The following ZNF804B variants were observed in gnomAD, a reference collection of about 807,000 sequenced individuals.
ZNF804B encodes the protein zinc finger 804B.
ZNF804B carries 80 observed loss-of-function variants against 101.4 expected under a neutral mutation model. The ratio of observed to expected loss-of-function variants is 0.79; its 90% CI spans 0.66 to 0.95. ZNF804B has a LOEUF of 0.95. Ranked by LOEUF, ZNF804B falls within the 40% of genes least tolerant of loss-of-function variation. The probability of loss-of-function intolerance (pLI) is 0.00; values close to 1 mark genes in which losing one functional copy is unlikely to be tolerated. For synonymous variants in ZNF804B, 622 were observed against 558.8 expected, an observed-to-expected ratio of 1.11 and a Z score of -1.59; for missense variants, 1,673 against 1,561.9, an observed-to-expected ratio of 1.07 and a Z score of -1.20.
At chr7:88,941,484 A>G (rs901359970) in intron 1 of ZNF804B, among the ~76,000 whole-genome samples, 2 of 152,070 alleles carry the variant, frequency 1.3e-5, no homozygotes, top group Non-Finnish European at 2.9e-5. Context: ...TTAACTGTAT[A>G]TTACTAAATA....
chr7:89,161,625 G>A lies in ZNF804B; in HGVS notation c.109-56530G>A, dbSNP rs182655312. Among the ~76,000 whole-genome samples, 440 of 97,932 alleles carry A rather than the reference G, an allele frequency of 4.5e-3. 2 individuals are homozygous for A. Among genetic ancestry groups the A allele is most frequent in the African/African-American group, 0.013 (406 of 31,478 alleles). The allele number at this position is 97,932 out of a possible 152,430, so 64.2% of individuals were successfully genotyped here. A position where few individuals can be genotyped will look rare whatever the true frequency, so the allele number is the denominator to read the frequency against. On this transcript the variant is annotated intron_variant, in intron 1 of 3. Coordinates refer to ENST00000333190, the MANE Select transcript of ZNF804B (RefSeq NM_181646.5). ...ACTGGTCTCAAAGTCCTGGGCTCAA[G>A]CGATCCTCCCACCTTAGCCTCCCAA...
At position 88,902,370 on chromosome 7, in the gene ZNF804B, T is replaced by A. The variant is rs1323381774; in HGVS notation, c.108+142286T>A. Reference sequence around the variant, plus strand: ...TAATACCCTAGAGCTATTACTTCCATTTCTCGTTCTAGTACATTTGCTCAC... The same window carrying A: ...TAATACCCTAGAGCTATTACTTCCAATTCTCGTTCTAGTACATTTGCTCAC... On this transcript the variant is annotated intron_variant, in intron 1 of 3. Transcript: ENST00000333190. 3.3e-5 allele frequency among the ~76,000 whole-genome samples: 5 copies of A among 152,166 alleles called. No homozygotes were observed. The East Asian group carries it at 9.6e-4, about 29-fold the overall frequency.
intron 1 of ZNF804B, among the ~76,000 whole-genome samples, chr7:88,966,052 T>G (rs1181942622): frequency 1.3e-5 from 2 of 151,492 alleles, no homozygotes; most frequent in Non-Finnish European, 3.0e-5. Flanking sequence ...ATCTAATTCA[T>G]AAGTCAGTTC....
intron 1 of ZNF804B, among the ~76,000 whole-genome samples, chr7:89,150,301 A>G (rs1046812302): frequency 6.6e-6 from 1 of 151,992 alleles, no homozygotes; most frequent in African/African-American, 2.4e-5. Flanking sequence ...CCCTAGGATA[A>G]GGGGAAGCTA....
intron 1 of ZNF804B, among the ~76,000 whole-genome samples, chr7:89,181,042 T>A (rs955437343): frequency 6.6e-6 from 1 of 151,646 alleles, no homozygotes; most frequent in Non-Finnish European, 1.5e-5. Flanking sequence ...CCTACTCTAC[T>A]GTGGCTGAGC....
At chr7:89,026,676 T>A (rs1788757068) in intron 1 of ZNF804B, among the ~76,000 whole-genome samples, 1 of 151,906 alleles carries the variant, frequency 6.6e-6, no homozygotes, top group Non-Finnish European at 1.5e-5. Flanking sequence ...AAAAGGAGAA[T>A]GAGATAGAGA....
At chr7:88,839,217 T>C (rs1229442731) in intron 1 of ZNF804B, among the ~76,000 whole-genome samples, 4 of 152,060 alleles carry the variant, frequency 2.6e-5, no homozygotes, top group African/African-American at 9.6e-5. Context: ...ATCTTATCTC[T>C]GATCAATTCT....
intron 2 of ZNF804B, among the ~76,000 whole-genome samples, chr7:89,309,856 A>G (rs1790624311): frequency 6.7e-6 from 1 of 149,972 alleles, no homozygotes; most frequent in Admixed American, 6.7e-5. Context: ...GCATCATTTA[A>G]TAATTTTAGT....
At chr7:88,820,460 A>G (rs1790959344) in intron 1 of ZNF804B, among the ~76,000 whole-genome samples, 1 of 152,160 alleles carries the variant, frequency 6.6e-6, no homozygotes, top group Admixed American at 6.5e-5. Flanking sequence ...TCTCCTGGGA[A>G]AAAGAGAAGT....
At chr7:88,861,728 C>A (rs1791649721) in intron 1 of ZNF804B, among the ~76,000 whole-genome samples, 1 of 152,110 alleles carries the variant, frequency 6.6e-6, no homozygotes. Context: ...TTTCAGTGTA[C>A]TTTCAAAATA....
At chr7:89,119,013 A>G (rs527476499) in intron 1 of ZNF804B, among the ~76,000 whole-genome samples, 19 of 152,210 alleles carry the variant, frequency 1.2e-4, no homozygotes, top group African/African-American at 3.4e-4. Flanking sequence ...TTCATCATAT[A>G]TACTTTTTTG....
At chr7:88,851,393 A>G (rs1791448456) in intron 1 of ZNF804B, among the ~76,000 whole-genome samples, 1 of 152,118 alleles carries the variant, frequency 6.6e-6, no homozygotes, top group South Asian at 2.1e-4. Context: ...GAAAAAAGAC[A>G]CATTTTGGGA....
rs1356188411 is a variant in ZNF804B, at chr7:89,220,063, G to T, written c.249+1768G>T. ...TATATGTGCATATATACATATATAC[G>T]CACATATATGTGTATATACATATAT... On this transcript the variant is annotated intron_variant, in intron 2 of 3. Coordinates refer to ENST00000333190, the MANE Select transcript of ZNF804B (RefSeq NM_181646.5). Among the ~76,000 whole-genome samples, 132 of 100,410 alleles carry T rather than the reference G, an allele frequency of 1.3e-3. 42 individuals are homozygous for T. Among genetic ancestry groups the T allele is most frequent in the African/African-American group, 4.9e-3 (115 of 23,330 alleles). 65.9% of individuals were successfully genotyped at this position (100,410 alleles called of 152,430 possible). A position where few individuals can be genotyped will look rare whatever the true frequency, so the allele number is the denominator to read the frequency against.
At chr7:88,995,151 G>T (rs1312837425) in intron 1 of ZNF804B, among the ~76,000 whole-genome samples, 1 of 152,022 alleles carries the variant, frequency 6.6e-6, no homozygotes, top group Non-Finnish European at 1.5e-5. Context: ...TCACTGATAA[G>T]CAGGAGCAGA....
intron 1 of ZNF804B, among the ~76,000 whole-genome samples, chr7:89,043,981 A>G (rs1386834296): frequency 6.6e-6 from 1 of 152,204 alleles, no homozygotes; most frequent in Non-Finnish European, 1.5e-5. Context: ...ATAGAATACT[A>G]TTCACCCATA....
chr7:89,014,127 A>G (rs930395356), intron 1 of ZNF804B, among the ~76,000 whole-genome samples: 2 of 152,096 alleles, frequency 1.3e-5, no homozygotes, highest in Admixed American at 6.6e-5. Context: ...AGGAGCCTCT[A>G]TACTGTTCTT....
chr7:88,779,080 A>C lies in ZNF804B; in HGVS notation c.108+18996A>C, dbSNP rs1443269682. On this transcript the variant is annotated intron_variant, in intron 1 of 3. Transcript: ENST00000333190. The stretch of plus-strand genomic sequence containing the variant: ...CACTTTTCCCTGATTCTGAGATATA[A>C]AGATGGCAAAAAAGACTACTAAATG... Among the ~76,000 whole-genome samples, 4 of 152,336 alleles carry C rather than the reference A, an allele frequency of 2.6e-5. No homozygotes were observed. The East Asian group carries it at 7.7e-4, about 29-fold the overall frequency.
chr7:89,196,205 A>T (rs1788549773), intron 1 of ZNF804B, among the ~76,000 whole-genome samples: 1 of 152,052 alleles, frequency 6.6e-6, no homozygotes, highest in Non-Finnish European at 1.5e-5. Flanking sequence ...ATTAAAACAG[A>T]CCCATAGGCC....
intron 1 of ZNF804B, among the ~76,000 whole-genome samples, chr7:88,946,056 C>A (rs952007519): frequency 5.3e-5 from 8 of 152,094 alleles, no homozygotes; most frequent in East Asian, 3.9e-4. Context: ...TTGACTTCCT[C>A]TCTTCCTATG....
Sources: gnomAD v4.1 joint callset for allele counts (sites outside exome capture counted in the v4.1 genomes callset) on GRCh38, gnomAD v4.1.1 for gene constraint, MANE v1.5 for transcripts, NCBI Gene and HGNC (gene_info 2026-07-23, HGNC 2026-07-21) for gene names.